CBL: variants seen among roughly 807,000 people sequenced by gnomAD.
CBL encodes Cbl proto-oncogene.
In CBL, 45 loss-of-function variants were observed where a neutral mutation model predicts 96.9. The observed-to-expected ratio is 0.46, with a 90% CI of 0.37 to 0.60. CBL has a LOEUF of 0.60. Among genes scored for constraint, CBL ranks in the 20% least tolerant of loss-of-function variants. The pLI, the probability that CBL is intolerant of heterozygous loss-of-function variation, is 0.00. For synonymous variants in CBL, 420 were observed against 426.8 expected (o/e 0.98, Z 0.20); for missense variants, 1,024 against 1,143.5 (o/e 0.90, Z 1.51).
At position 119,278,152 on chromosome 11, in the gene CBL, T is replaced by C. The variant is rs763146312; in HGVS notation, c.1096-14T>C. On this transcript the variant is annotated splice_polypyrimidine_tract_variant and intron_variant, in intron 7 of 15. Transcript: ENST00000264033. ...TTATTCAACTAATAGTCTTTTAATT[T>C]TTTTTAATCAAAGGAACAATATGAA... 7 of 1,575,646 alleles carry C rather than the reference T, an allele frequency of 4.4e-6. No homozygotes were observed. Among genetic ancestry groups the C allele is most frequent in the Non-Finnish European group, 6.1e-6 (7 of 1,146,200 alleles).
intron 14 of CBL, 113 bp downstream of exon 14, chr11:119,297,594 A>T (rs1950073215): frequency 2.5e-6 from 2 of 789,146 alleles, no homozygotes; most frequent in Non-Finnish European, 4.4e-6. Context: ...TGTAGCTGGG[A>T]CTACAGGTAC....
chr11:119,280,692 A>C (rs1391389148), intron 9 of CBL, among the ~76,000 whole-genome samples: 1 of 152,110 alleles, frequency 6.6e-6, no homozygotes. Context: ...CCCCTCGTTC[A>C]GAGTTTTAAT....
intron 1 of CBL, 151 bp from the exon 2 acceptor site, chr11:119,232,297 G>C (rs1467291556): frequency 1.3e-6 from 1 of 799,724 alleles, no homozygotes. Context: ...GGTTGCCTGT[G>C]GGCAATGGGG....
chr11:119,248,870 A>G (rs1949650723), intron 2 of CBL, among the ~76,000 whole-genome samples: 1 of 152,258 alleles, frequency 6.6e-6, no homozygotes, highest in African/African-American at 2.4e-5. Context: ...CAATAAGCTC[A>G]TGAAAGGATG....
chr11:119,252,762 T>C lies in CBL; in HGVS notation c.444-18973T>C, dbSNP rs1328199403. ...GGCGTGGTGGTAGGCGCCTGTAATCTCAGCTACTTGGGAGGGCTGAGGGCA... is the reference window on the plus strand; with the variant it reads ...GGCGTGGTGGTAGGCGCCTGTAATCCCAGCTACTTGGGAGGGCTGAGGGCA... On this transcript the variant is annotated intron_variant, in intron 2 of 15. Transcript: ENST00000264033. Among the ~76,000 whole-genome samples the C allele has an allele frequency of 6.5e-4, 14 of 21,416 alleles. No individual in the cohort carries two copies. The South Asian group carries it at 0.033, about 50-fold the overall frequency. The allele number at this position is 21,416 out of a possible 152,430, so 14.0% of individuals were successfully genotyped here.
intron 1 of CBL, among the ~76,000 whole-genome samples, chr11:119,207,045 AG>A (rs1949275538): frequency 1.3e-5 from 2 of 151,982 alleles, no homozygotes; most frequent in African/African-American, 4.8e-5. Flanking sequence ...TGGCTGGGTG[AG>A]ATCTGACTAG....
chr11:119,268,306 G>A (rs1476669530), intron 2 of CBL, among the ~76,000 whole-genome samples: 2 of 152,006 alleles, frequency 1.3e-5, no homozygotes, highest in Non-Finnish European at 2.9e-5. Flanking sequence ...GTTTGCATTA[G>A]GCCAATACCA....
chr11:119,212,965 T>A (rs1359808611), intron 1 of CBL, among the ~76,000 whole-genome samples: 2 of 119,566 alleles, frequency 1.7e-5, no homozygotes, highest in South Asian at 3.1e-4. Context: ...AGAGCAAAAC[T>A]CCGTCTCAAA....
chr11:119,295,700 G>A (rs557541147), intron 12 of CBL, among the ~76,000 whole-genome samples: 157 of 152,170 alleles, frequency 1.0e-3, no homozygotes, highest in Non-Finnish European at 1.6e-3. Flanking sequence ...GTGCTCCAGC[G>A]AAAAATCTAG....
In CBL at chr11:119,304,312, A is replaced by C. The variant is rs1950120608; in HGVS notation, c.*4531A>C. 1 of 233,326 alleles carries C rather than the reference A, an allele frequency of 4.3e-6. No homozygotes were observed. Among genetic ancestry groups the C allele is most frequent in the Admixed American group, 5.6e-5 (1 of 17,792 alleles). 14.5% of individuals were successfully genotyped at this position (233,326 alleles called of 1,614,324 possible). The stretch of plus-strand genomic sequence containing the variant: ...CGGCTTAATGCCTAGAGGGTGGTGG[A>C]TAGTGAAGGACGGTCAAGGTTATAT... On this transcript the variant is annotated 3_prime_UTR_variant, in exon 16 of 16. Coordinates refer to ENST00000264033, the MANE Select transcript of CBL (RefSeq NM_005188.4).
intron 1 of CBL, among the ~76,000 whole-genome samples, chr11:119,207,557 A>G (rs374187760): frequency 3.3e-5 from 5 of 152,174 alleles, no homozygotes; most frequent in African/African-American, 1.2e-4. Flanking sequence ...CTTTATATTT[A>G]GCCACTAAGT....
chr11:119,208,069 T>C (rs1186947703), intron 1 of CBL, among the ~76,000 whole-genome samples: 2 of 152,194 alleles, frequency 1.3e-5, no homozygotes, highest in African/African-American at 4.8e-5. Flanking sequence ...CGTGTGTTGA[T>C]TATATTGGTG....
intron 11 of CBL, among the ~76,000 whole-genome samples, chr11:119,286,671 A>C (rs1206155186): frequency 1.3e-5 from 2 of 152,104 alleles, no homozygotes; most frequent in Non-Finnish European, 2.9e-5. Flanking sequence ...TCCCAAAAGA[A>C]TTTTAATTTG....
intron 2 of CBL, among the ~76,000 whole-genome samples, chr11:119,249,887 C>G (rs1349744920): frequency 6.6e-6 from 1 of 152,040 alleles, no homozygotes; most frequent in Non-Finnish European, 1.5e-5. Context: ...CTCCTGGGCT[C>G]AAGTGATCCT....
chr11:119,298,535 C>G lies in CBL; in HGVS notation c.2429C>G (p.Thr810Arg), dbSNP rs1389098789. Residue 810 changes from threonine to arginine, a missense_variant, in exon 15 of 16, where the codon ACA (threonine) becomes AGA (arginine). Thr to Arg is a moderately conservative substitution (Grantham distance 71). Transcript: ENST00000264033. ...FGWLSLDGDP[T>R]TNVTEGSQVP... ...TGGTTGTCTCTGGATGGTGATCCTA[C>G]AACAAGTGAGTCTCCAGACTACTTT... 1 of 1,614,070 alleles carries G rather than the reference C, an allele frequency of 6.2e-7. No individual in the cohort carries two copies. The highest frequency in any genetic ancestry group is 1.1e-5 in the South Asian group (1 of 91,082).
chr11:119,259,221 T>C (rs947490368), intron 2 of CBL, among the ~76,000 whole-genome samples: 1 of 152,160 alleles, frequency 6.6e-6, no homozygotes, highest in Non-Finnish European at 1.5e-5. Flanking sequence ...GTGATGATAT[T>C]ATTGGCAAAA....
At chr11:119,282,980 A>G (rs1465697102) in intron 9 of CBL, among the ~76,000 whole-genome samples, 4 of 150,954 alleles carry the variant, frequency 2.6e-5, no homozygotes, top group African/African-American at 9.7e-5. Context: ...AGCTTGTCCC[A>G]GCTACTTGAG....
At chr11:119,221,766 CAAA>C (rs199581991) in intron 1 of CBL, among the ~76,000 whole-genome samples, 4 of 61,916 alleles carry the variant, frequency 6.5e-5, no homozygotes, top group Admixed American at 1.8e-4. Flanking sequence ...GACTCCGTCT[CAAA>C]AAAAAAAAAA....
chr11:119,247,747 G>T (rs1372944477), intron 2 of CBL, among the ~76,000 whole-genome samples: 1 of 152,136 alleles, frequency 6.6e-6, no homozygotes, highest in Admixed American at 6.5e-5. Context: ...GGCAGGCAGG[G>T]GTTGCAGTGA....
Sources: gnomAD v4.1 joint callset for allele counts (sites outside exome capture counted in the v4.1 genomes callset) on GRCh38, gnomAD v4.1.1 for gene constraint, MANE v1.5 for transcripts, NCBI Gene and HGNC (gene_info 2026-07-23, HGNC 2026-07-21) for gene names.